Variants in SOX6 observed in about 807,000 individuals in gnomAD.
SOX6 encodes SRY-box transcription factor 6.
SOX6 carries 11 observed loss-of-function variants against 97.8 expected under a neutral mutation model. The ratio of observed to expected loss-of-function variants is 0.11; its 90% CI spans 0.07 to 0.19. The LOEUF is 0.19. SOX6 is among the 10% of genes least tolerant of loss of function. SOX6 has a pLI of 1.00. For missense variants in SOX6, 810 were observed against 1,039.5 expected (o/e 0.78, Z 3.04); for synonymous variants, 360 against 371.4 (o/e 0.97, Z 0.35).
At position 15,986,311 on chromosome 11, in the gene SOX6, G is replaced by T. The variant is rs773040627; in HGVS notation, c.2076C>A (p.Pro692=). 6.2e-7 allele frequency: 1 copy of T among 1,614,058 alleles called. No individual in the cohort carries two copies. Among genetic ancestry groups the T allele is most frequent in the South Asian group, 1.1e-5 (1 of 91,062 alleles). The part of the protein sequence containing the change: ...LEKYPNYKYK[P]RPKRTCIVDG... ...CAACAATGCAGGTGCGTTTCGGTCGGGGTTTGTATTTATAGTTTGGGTACT... is the reference window on the plus strand; with the variant it reads ...CAACAATGCAGGTGCGTTTCGGTCGTGGTTTGTATTTATAGTTTGGGTACT... The change falls in exon 15 of 16, where the codon CCC becomes CCA. Residue 692 remains proline (P), a synonymous_variant. Transcript: ENST00000683767.
At chr11:15,978,562 C>T (rs1398546446) in intron 15 of SOX6, among the ~76,000 whole-genome samples, 1 of 151,526 alleles carries the variant, frequency 6.6e-6, no homozygotes, top group Non-Finnish European at 1.5e-5. Flanking sequence ...TCCCTGCCAT[C>T]TAAGCACCGA....
At chr11:16,579,954 A>T (rs932241638) in intron 4 of SOX6, among the ~76,000 whole-genome samples, 1 of 152,128 alleles carries the variant, frequency 6.6e-6, no homozygotes, top group African/African-American at 2.4e-5. Context: ...CACGCAAGGC[A>T]TTGTCAGTCT....
chr11:16,361,822 A>C (rs1857217758), intron 1 of SOX6, among the ~76,000 whole-genome samples: 2 of 152,218 alleles, frequency 1.3e-5, no homozygotes, highest in South Asian at 4.1e-4. Flanking sequence ...TTCAGGAAAA[A>C]ATATGTAAGA....
intron 4 of SOX6, among the ~76,000 whole-genome samples, chr11:16,569,530 G>A (rs1452982385): frequency 6.6e-6 from 1 of 152,022 alleles, no homozygotes; most frequent in African/African-American, 2.4e-5. Flanking sequence ...ATTATAAGAA[G>A]ACCATCCCTT....
At chr11:16,444,011 C>A (rs1181192527) in intron 1 of SOX6, among the ~76,000 whole-genome samples, 1,061 of 115,104 alleles carry the variant, frequency 9.2e-3, no homozygotes, top group African/African-American at 0.016. Context: ...GACTCTGTCT[C>A]AAAAAAAAAA....
intron 3 of SOX6, among the ~76,000 whole-genome samples, chr11:16,628,554 C>T (rs1259129529): frequency 8.9e-5 from 13 of 145,318 alleles, no homozygotes; most frequent in African/African-American, 7.7e-5. Flanking sequence ...ACCCAGGAGG[C>T]GGAGGTTGCA....
At chr11:16,169,679 T>A (rs1564995872) in intron 6 of SOX6, among the ~76,000 whole-genome samples, 1 of 152,092 alleles carries the variant, frequency 6.6e-6, no homozygotes, top group Non-Finnish European at 1.5e-5. Context: ...AATTACTGTC[T>A]AAAGAAAGGA....
intron 9 of SOX6, among the ~76,000 whole-genome samples, chr11:16,081,734 G>A (rs565107256): frequency 1.3e-5 from 2 of 152,146 alleles, no homozygotes; most frequent in African/African-American, 4.8e-5. Flanking sequence ...AGACAAAAGT[G>A]TCTATTTTAT....
chr11:16,691,729 G>A (rs1281880386), intron 3 of SOX6, among the ~76,000 whole-genome samples: 1 of 152,124 alleles, frequency 6.6e-6, no homozygotes, highest in Non-Finnish European at 1.5e-5. Context: ...CCTAAGAGAT[G>A]GAGGTTGCAG....
At chr11:16,110,684 T>C (rs1333710569) in intron 7 of SOX6, among the ~76,000 whole-genome samples, 1 of 152,150 alleles carries the variant, frequency 6.6e-6, no homozygotes, top group East Asian at 1.9e-4. Context: ...ATCCTACCTT[T>C]TCTTACAAAG....
rs148158951 is a variant in SOX6, at chr11:16,603,914, G to A, written n.609+8167C>T. On this transcript the variant is annotated intron_variant and non_coding_transcript_variant, in intron 4 of 5. Coordinates refer to the SOX6 transcript ENST00000524520. ...GCCCTGGCAGGTTCGGCCCTCCCTCGGGAATCCTGGAACCCAGAACAGAGC... is the reference window on the plus strand; with the variant it reads ...GCCCTGGCAGGTTCGGCCCTCCCTCAGGAATCCTGGAACCCAGAACAGAGC... Among the ~76,000 whole-genome samples, 1,229 of 152,298 alleles carry A rather than the reference G, an allele frequency of 8.1e-3. 14 individuals are homozygous for A. The highest frequency in any genetic ancestry group is 0.024 in the Middle Eastern group (7 of 292).
At chr11:16,542,231 G>A (rs4456227) in intron 4 of SOX6, among the ~76,000 whole-genome samples, 16,038 of 152,054 alleles carry the variant, frequency 0.11, 917 homozygotes, top group Non-Finnish European at 0.14. Flanking sequence ...ACCAAACACC[G>A]CATGTTCTCA....
intron 3 of SOX6, among the ~76,000 whole-genome samples, chr11:16,283,019 GTATATATATA>G (rs10581082): frequency 0.18 from 23,453 of 133,132 alleles, 2,563 homozygotes; most frequent in Admixed American, 0.3. Context: ...TGAGATGTGA[GTATATATATA>G]TATATATATA....
At chr11:16,226,826 T>C (rs144756283) in intron 4 of SOX6, among the ~76,000 whole-genome samples, 1 of 152,294 alleles carries the variant, frequency 6.6e-6, no homozygotes, top group East Asian at 1.9e-4. Flanking sequence ...TTTGCCATAC[T>C]GCCTAATTTA....
intron 3 of SOX6, among the ~76,000 whole-genome samples, chr11:16,714,662 G>C (rs1232029144): frequency 6.6e-6 from 1 of 152,012 alleles, no homozygotes; most frequent in Non-Finnish European, 1.5e-5. Flanking sequence ...ATGTTGGCCA[G>C]AATGGTCTCG....
chr11:16,599,899 A>C (rs1444034409), intron 4 of SOX6, among the ~76,000 whole-genome samples: 1 of 152,220 alleles, frequency 6.6e-6, no homozygotes, highest in Admixed American at 6.5e-5. Flanking sequence ...GATTCTGAAT[A>C]TAAACAAGCC....
intron 2 of SOX6, among the ~76,000 whole-genome samples, chr11:16,337,351 T>C (rs527663625): frequency 3.3e-4 from 50 of 152,254 alleles, no homozygotes; most frequent in African/African-American, 1.2e-3. Flanking sequence ...ATCTGTCCTT[T>C]CTACAGTTAC....
intron 3 of SOX6, among the ~76,000 whole-genome samples, chr11:16,674,922 A>G (rs1847874044): frequency 6.6e-6 from 1 of 152,188 alleles, no homozygotes; most frequent in Non-Finnish European, 1.5e-5. Context: ...ACACCACTGC[A>G]CTCCAGCCTG....
At chr11:16,418,084 G>A (rs1858959063) in intron 1 of SOX6, among the ~76,000 whole-genome samples, 1 of 152,090 alleles carries the variant, frequency 6.6e-6, no homozygotes, top group African/African-American at 2.4e-5. Flanking sequence ...GAATCTTTCA[G>A]TTGTATATTA....
Sources: gnomAD v4.1 joint callset for allele counts (sites outside exome capture counted in the v4.1 genomes callset) on GRCh38, gnomAD v4.1.1 for gene constraint, MANE v1.5 for transcripts, NCBI Gene and HGNC (gene_info 2026-07-23, HGNC 2026-07-21) for gene names.